Variants in CFAP69 observed in about 807,000 individuals in gnomAD.
CFAP69 encodes cilia and flagella associated protein 69, also known as cilia- and flagella-associated protein 69.
A neutral mutation model predicts 123.0 loss-of-function variants in CFAP69; 92 were observed. The observed-to-expected ratio is 0.75, with a 90% confidence interval of 0.63 to 0.89. The LOEUF is 0.89. CFAP69 is among the 40% of genes least tolerant of loss of function. The pLI, the probability that CFAP69 is intolerant of heterozygous loss-of-function variation, is 0.00. For synonymous variants in CFAP69, 380 were observed against 364.3 expected (o/e 1.04, Z -0.49); for missense variants, 1,067 against 1,096.9 (o/e 0.97, Z 0.39).
At position 90,262,065 on chromosome 7, in the gene CFAP69, T is replaced by C. The variant is rs1244332861; in HGVS notation, c.356+9T>C. On this transcript the variant is annotated intron_variant, in intron 4 of 22. Coordinates refer to ENST00000389297, the MANE Select transcript of CFAP69 (RefSeq NM_001039706.3). ...ATCATAAAACTGTGTGGGTAAGTTATCTTTCTTTAACTTTATTTTGTAGTA... is the reference window on the plus strand; with the variant it reads ...ATCATAAAACTGTGTGGGTAAGTTACCTTTCTTTAACTTTATTTTGTAGTA... 1 of 1,502,038 alleles carries C rather than the reference T, an allele frequency of 6.7e-7. No individual in the cohort carries two copies. Among genetic ancestry groups the C allele is most frequent in the Non-Finnish European group, 9.1e-7 (1 of 1,096,052 alleles). 93.0% of individuals were successfully genotyped at this position (1,502,038 alleles called of 1,614,324 possible).
At chr7:90,298,006 G>C (rs1373390400) in intron 16 of CFAP69, among the ~76,000 whole-genome samples, 176 bp downstream of exon 16, 1 of 152,116 alleles carries the variant, frequency 6.6e-6, no homozygotes, top group Non-Finnish European at 1.5e-5. Flanking sequence ...TGTTTTAAAG[G>C]CTCTGAAAAT....
intron 6 of CFAP69, 94 bp downstream of exon 6, chr7:90,268,478 A>C: frequency 5.5e-6 from 5 of 912,248 alleles, no homozygotes; most frequent in Non-Finnish European, 8.3e-6. Context: ...CAGTGGGCTC[A>C]TAAATGTAAC....
chr7:90,261,990 G>A lies in CFAP69; in HGVS notation c.290G>A (p.Cys97Tyr). The A allele has an allele frequency of 6.2e-7, 1 of 1,601,266 alleles. No individual in the cohort carries two copies. Among genetic ancestry groups the A allele is most frequent in the East Asian group, 2.3e-5 (1 of 44,264 alleles). The change falls in exon 4 of 23, where the codon TGT (cysteine) becomes TAT (tyrosine). Residue 97 changes from cysteine to tyrosine, a missense_variant. Physicochemically the swap from Cys to Tyr is radical, Grantham distance 194. Transcript: ENST00000389297. ...CAGATATTTAAAATTCTGAATCTGTGTTCAGGAAAAATAAAAAACCAGCCT... is the reference window on the plus strand; with the variant it reads ...CAGATATTTAAAATTCTGAATCTGTATTCAGGAAAAATAAAAAACCAGCCT... Reference protein sequence around the residue: ...LAQIFKILNLCSGKIKNQPRF... With the variant: ...LAQIFKILNLYSGKIKNQPRF...
At chr7:90,315,416 T>C (rs376000464), downstream of CFAP69, among the ~76,000 whole-genome samples, 4 of 152,230 alleles carry the variant, frequency 2.6e-5, no homozygotes, top group African/African-American at 7.2e-5. Flanking sequence ...TGGAATGCTA[T>C]GCAGCCATAA....
chr7:90,309,020 C>G (rs1793997690), intron 21 of CFAP69, among the ~76,000 whole-genome samples: 1 of 152,054 alleles, frequency 6.6e-6, no homozygotes, highest in South Asian at 2.1e-4. Flanking sequence ...ATATGGATTT[C>G]TTGGACTACT....
intron 15 of CFAP69, among the ~76,000 whole-genome samples, chr7:90,293,928 G>A (rs570734192): frequency 6.6e-6 from 1 of 152,248 alleles, no homozygotes; most frequent in South Asian, 2.1e-4. Context: ...CCTTCAAATT[G>A]TACAACATTT....
rs750732154 is a variant in CFAP69 at position 90,299,896 on chromosome 7, A to G, written c.1887A>G (p.Ile629Met). 3.7e-6 allele frequency: 6 copies of G among 1,607,958 alleles called. No homozygotes were observed. In the South Asian group the frequency reaches 4.5e-5, roughly 12 times the overall value. Residue 629 changes from isoleucine (I) to methionine (M), a missense_variant, in exon 17 of 23, where the codon ATA becomes ATG. Coordinates refer to ENST00000389297, the MANE Select transcript of CFAP69 (RefSeq NM_001039706.3). ...ALNQKKFCNL[I>M]LGIMVEFCDN... ...ACCAAAAAAAATTCTGTAATCTAAT[A>G]CTTGGAATAATGGTTGAATTTTGTG...
At chr7:90,316,770 A>G in the CFAP69 span, 1 of 152,234 alleles carries the variant, frequency 6.6e-6, no homozygotes, top group African/African-American at 2.4e-5. Flanking sequence ...CCAATGTAGT[A>G]TGTAAATTCA....
chr7:90,302,111 A>G (rs745374925), intron 17 of CFAP69: 2 of 152,188 alleles, frequency 1.3e-5, no homozygotes, highest in Non-Finnish European at 2.9e-5. Flanking sequence ...TGTTGGCTGC[A>G]TGTATGACTT....
At chr7:90,305,031 T>C (rs1030619994) in intron 19 of CFAP69, among the ~76,000 whole-genome samples, 2 of 152,046 alleles carry the variant, frequency 1.3e-5, no homozygotes, top group Admixed American at 1.3e-4. Context: ...CCAACTTAGT[T>C]TGTGAAAGAA....
At chr7:90,295,751 C>T (rs1369336096) in intron 15 of CFAP69, among the ~76,000 whole-genome samples, 2 of 152,200 alleles carry the variant, frequency 1.3e-5, no homozygotes, top group African/African-American at 2.4e-5. Flanking sequence ...ACTCCATAAT[C>T]AGAGCAGCCC....
chr7:90,303,354 A>G (rs895197589), intron 17 of CFAP69: 1 of 153,376 alleles, frequency 6.5e-6, no homozygotes, highest in Non-Finnish European at 1.4e-5. Flanking sequence ...TTCCAATACT[A>G]TGTGGTGAAA....
intron 20 of CFAP69, 92 bp from the exon 21 acceptor site, chr7:90,307,676 T>C: frequency 2.8e-6 from 2 of 712,436 alleles, no homozygotes; most frequent in Non-Finnish European, 4.6e-6. Flanking sequence ...GACATGCCAC[T>C]GGACTCCAGC....
chr7:90,271,742 T>C, intron 7 of CFAP69, 39 bp from the exon 8 acceptor site: 6 of 1,588,306 alleles, frequency 3.8e-6, no homozygotes, highest in Non-Finnish European at 4.3e-6. Flanking sequence ...AAAATGTCAA[T>C]ATTGTAAAGC....
intron 1 of CFAP69, among the ~76,000 whole-genome samples, chr7:90,250,187 G>GGAGCGAGAGAGA (rs1796800728): frequency 8.0e-6 from 1 of 125,728 alleles, no homozygotes. Context: ...TTTAAAGAGA[G>GGAGCGAGAGAGA]GAGAGAGAGA....
At chr7:90,289,313 A>G (rs1010110094) in intron 15 of CFAP69, among the ~76,000 whole-genome samples, 1 of 152,076 alleles carries the variant, frequency 6.6e-6, no homozygotes, top group African/African-American at 2.4e-5. Flanking sequence ...ACCCTTACCA[A>G]CACACTGCGT....
chr7:90,291,364 A>G (rs1791161867), intron 15 of CFAP69, among the ~76,000 whole-genome samples: 1 of 152,134 alleles, frequency 6.6e-6, no homozygotes, highest in South Asian at 2.1e-4. Flanking sequence ...AGTGAGGACA[A>G]GCAGAGGTTA....
At chr7:90,276,570 T>C (rs1788641126) in intron 9 of CFAP69, among the ~76,000 whole-genome samples, 1 of 152,242 alleles carries the variant, frequency 6.6e-6, no homozygotes, top group South Asian at 2.1e-4. Flanking sequence ...TTTGCAACTC[T>C]GGTGATTCTT....
chr7:90,289,501 G>A (rs28949017), intron 15 of CFAP69, among the ~76,000 whole-genome samples: 2,997 of 152,076 alleles, frequency 0.02, 97 homozygotes, highest in East Asian at 0.11. Context: ...GTTTTTTAGA[G>A]TTCTTTATAT....
Sources: allele counts gnomAD v4.1 joint callset (sites outside exome capture counted in the v4.1 genomes callset), GRCh38; gene constraint gnomAD v4.1.1; transcripts MANE v1.5; gene names NCBI Gene and HGNC (gene_info 2026-07-23, HGNC 2026-07-21).